The following ZNF831 variants were observed in gnomAD, a reference collection of about 807,000 sequenced individuals.
ZNF831 encodes chromosome 20 open reading frame 174.
A neutral mutation model predicts 95.8 loss-of-function variants in ZNF831; 59 were observed. The ratio of observed to expected loss-of-function variants is 0.62; its 90% CI spans 0.50 to 0.77. The LOEUF is 0.77. Ranked by LOEUF, ZNF831 falls within the 30% of genes least tolerant of loss-of-function variation. The probability of loss-of-function intolerance (pLI) is 0.00; values close to 1 mark genes in which losing one functional copy is unlikely to be tolerated. For missense variants in ZNF831, 2,205 were observed against 2,164.0 expected, an observed-to-expected ratio of 1.02 and a Z score of -0.38; for synonymous variants, 961 against 925.5, an observed-to-expected ratio of 1.04 and a Z score of -0.70.
chr20:59,131,780 GC>G (rs1280187975), intron 1 of ZNF831, among the ~76,000 whole-genome samples: 1 of 152,216 alleles, frequency 6.6e-6, no homozygotes, highest in Non-Finnish European at 1.5e-5. Flanking sequence ...CGCCTTGTGA[GC>G]CCTTGTCTCC....
At chr20:59,136,476 G>A (rs1979512204) in intron 1 of ZNF831, among the ~76,000 whole-genome samples, 1 of 152,172 alleles carries the variant, frequency 6.6e-6, no homozygotes, top group South Asian at 2.1e-4. Flanking sequence ...AGTAAATGGT[G>A]GGACAGGACA....
intron 4 of ZNF831, among the ~76,000 whole-genome samples, chr20:59,234,249 T>C (rs1048978045): frequency 9.2e-5 from 14 of 152,234 alleles, no homozygotes; most frequent in African/African-American, 3.1e-4. Flanking sequence ...TAAGAACTGC[T>C]TCATAATAAG....
At chr20:59,180,641 T>C (rs2146517148) in intron 1 of ZNF831, among the ~76,000 whole-genome samples, 1 of 152,328 alleles carries the variant, frequency 6.6e-6, no homozygotes, top group Admixed American at 6.5e-5. Flanking sequence ...TTTCTGTTCC[T>C]GTGTTAGTTT....
rs2146575245 is a variant in ZNF831, at chr20:59,192,984, A to C, written c.1965A>C (p.Glu655Asp). ...AGGTGGGAATGGGCAGTGGGGCAGA[A>C]CTGGGCTTTCCTCTGCAGAAAGAGG... ...AREVGMGSGA[E>D]LGFPLQKEAA... The change falls in exon 2 of 6, where the codon GAA becomes GAC. Residue 655 changes from glutamate to aspartate, a missense_variant. Physicochemically the swap from Glu to Asp is conservative, Grantham distance 45. Transcript: ENST00000371030. This position sits in a 1 kb window ranked among gnomAD's most constrained non-coding sequence, Gnocchi z 5.2. 6.3e-7 allele frequency: 1 copy of C among 1,585,860 alleles called. No individual in the cohort carries two copies. Among genetic ancestry groups the C allele is most frequent in the Non-Finnish European group, 8.6e-7 (1 of 1,167,278 alleles).
chr20:59,234,269 T>C (rs1312307920), intron 4 of ZNF831, among the ~76,000 whole-genome samples: 1 of 152,232 alleles, frequency 6.6e-6, no homozygotes, highest in African/African-American at 2.4e-5. Context: ...GCAATAAACA[T>C]CTTCCAAACT....
chr20:59,172,001 T>C (rs911324581), intron 1 of ZNF831, among the ~76,000 whole-genome samples: 1 of 152,208 alleles, frequency 6.6e-6, no homozygotes, highest in African/African-American at 2.4e-5. Flanking sequence ...CAGTGTATCC[T>C]TTTGGCAATA....
chr20:59,228,556 C>T (rs1986554035), intron 4 of ZNF831, among the ~76,000 whole-genome samples: 1 of 152,074 alleles, frequency 6.6e-6, no homozygotes, highest in Non-Finnish European at 1.5e-5. Context: ...GTGAGGCCAT[C>T]CTAGACCAGC....
At chr20:59,247,597 T>C (rs970681495) in intron 4 of ZNF831, among the ~76,000 whole-genome samples, 5 of 152,264 alleles carry the variant, frequency 3.3e-5, no homozygotes, top group Non-Finnish European at 5.9e-5. Flanking sequence ...TGCTAGCACA[T>C]TGTGGATCTG....
chr20:59,228,485 A>T (rs1311101917), intron 4 of ZNF831, among the ~76,000 whole-genome samples: 2 of 151,074 alleles, frequency 1.3e-5, no homozygotes, highest in Admixed American at 6.6e-5. Context: ...CTTGTGAGTG[A>T]TGCCATTCTA....
chr20:59,183,434 T>C (rs1968818278), intron 1 of ZNF831, among the ~76,000 whole-genome samples: 1 of 152,228 alleles, frequency 6.6e-6, no homozygotes, highest in African/African-American at 2.4e-5. Context: ...CACTCAGGTG[T>C]GCGAGAGCAT....
chr20:59,131,111 C>A (rs1979339715), intron 1 of ZNF831, among the ~76,000 whole-genome samples: 1 of 152,106 alleles, frequency 6.6e-6, no homozygotes, highest in Non-Finnish European at 1.5e-5. Context: ...GAAGGAAATG[C>A]TAGACTCCCA....
intron 4 of ZNF831, among the ~76,000 whole-genome samples, chr20:59,207,775 C>T (rs1985004357): frequency 1.3e-5 from 2 of 152,216 alleles, no homozygotes; most frequent in East Asian, 1.9e-4. Flanking sequence ...GGAAATGCTG[C>T]AGGGTCCCAT....
intron 1 of ZNF831, among the ~76,000 whole-genome samples, chr20:59,176,893 A>G (rs77506764): frequency 0.083 from 12,617 of 152,366 alleles, 717 homozygotes; most frequent in Non-Finnish European, 0.12. Context: ...AAATCTGTTG[A>G]TAGCCTGCTA....
rs574441320 is a variant in ZNF831, at chr20:59,212,524, A to C, written c.4027+5468A>C. Among the ~76,000 whole-genome samples the C allele has an allele frequency of 3.3e-5, 5 of 152,336 alleles. No homozygotes were observed. The South Asian group carries it at 1.0e-3, about 32-fold the overall frequency. On this transcript the variant is annotated intron_variant, in intron 4 of 5. Coordinates refer to ENST00000371030, the MANE Select transcript of ZNF831 (RefSeq NM_178457.3). Reference sequence around the variant, plus strand: ...TCCCAGGCACCCCAGGCTGAGTGTGACTAAGAATGGACAGAAGTTTTGCCG... The same window carrying C: ...TCCCAGGCACCCCAGGCTGAGTGTGCCTAAGAATGGACAGAAGTTTTGCCG...
intron 4 of ZNF831, among the ~76,000 whole-genome samples, chr20:59,249,182 C>T (rs994820697): frequency 1.6e-4 from 24 of 152,284 alleles, no homozygotes; most frequent in Admixed American, 3.9e-4. Flanking sequence ...TTTCTGATGT[C>T]GCCTTTCTGA....
rs1460706721 is a variant in ZNF831, at chr20:59,218,658, T to C, written c.4027+11602T>C. Among the ~76,000 whole-genome samples the C allele has an allele frequency of 3.3e-5, 5 of 151,964 alleles. No individual in the cohort carries two copies. In the South Asian group the frequency reaches 8.3e-4, roughly 25 times the overall value. On this transcript the variant is annotated intron_variant, in intron 4 of 5. Transcript: ENST00000371030. ...CAATCTAACTGGCCTGGTTTGGTCA[T>C]GTGGCTGTCCTTGACCCTGTCACTG...
intron 2 of ZNF831, among the ~76,000 whole-genome samples, chr20:59,149,042 G>C (rs1055486405): frequency 2.0e-5 from 3 of 152,182 alleles, no homozygotes; most frequent in Admixed American, 6.5e-5. Flanking sequence ...TTGGTAACGA[G>C]GGTCTCCATC....
intron 3 of ZNF831, among the ~76,000 whole-genome samples, chr20:59,197,550 T>C (rs1984212263): frequency 6.6e-6 from 1 of 152,112 alleles, no homozygotes; most frequent in Non-Finnish European, 1.5e-5. Flanking sequence ...ATGCTTGAGA[T>C]TTTGCATTTC....
chr20:59,205,551 A>G (rs1354138061), intron 3 of ZNF831, among the ~76,000 whole-genome samples: 1 of 152,248 alleles, frequency 6.6e-6, no homozygotes, highest in East Asian at 1.9e-4. Flanking sequence ...AGGAAAAACC[A>G]GTGCCCAAGA....
Sources: gnomAD v4.1 joint callset for allele counts (sites outside exome capture counted in the v4.1 genomes callset) on GRCh38, gnomAD v4.1.1 for gene constraint, Gnocchi (gnomAD v3.1) non-coding constraint, MANE v1.5 for transcripts, NCBI Gene and HGNC (gene_info 2026-07-23, HGNC 2026-07-21) for gene names.